The following RAD17 variants were observed in gnomAD, a reference collection of about 807,000 sequenced individuals.
RAD17 encodes the protein RAD17 checkpoint clamp loader component, also known as cell cycle checkpoint protein RAD17.
RAD17 carries 31 observed loss-of-function variants against 81.5 expected under a neutral mutation model. The ratio of observed to expected loss-of-function variants is 0.38; its 90% CI spans 0.29 to 0.51. The LOEUF is 0.51. RAD17 is among the 20% of genes least tolerant of loss of function. The pLI is 0.88. For synonymous variants in RAD17, 261 were observed against 266.2 expected (o/e 0.98, Z 0.19); for missense variants, 681 against 781.2 (o/e 0.87, Z 1.53).
At chr5:69,386,367 T>C in intron 10 of RAD17, 29 bp from the exon 11 acceptor site, 1 of 1,581,898 alleles carries the variant, frequency 6.3e-7, no homozygotes. Flanking sequence ...ATTAATCATT[T>C]AACTGCTATC....
Position 69,386,240 on chromosome 5 carries a change from A to G in RAD17, c.759A>G (p.Gly253=). 6.2e-7 allele frequency: 1 copy of G among 1,608,116 alleles called. No individual in the cohort carries two copies. The highest frequency in any genetic ancestry group is 8.5e-7 in the Non-Finnish European group (1 of 1,176,346). The change falls in exon 10 of 19, where the codon GGA becomes GGG. Residue 253 remains glycine, a synonymous_variant. Coordinates refer to ENST00000354868, the MANE Select transcript of RAD17 (RefSeq NM_133338.3). ...TTATAATCTCGGACAGTCTCAGTGG[A>G]GATAATAATCAAAGGTTATTGTTTC... is the stretch of plus-strand genomic sequence containing the variant. ...LIFIISDSLS[G]DNNQRLLFPK...
chr5:69,382,145 T>TC lies in RAD17; in HGVS notation c.508+91dup, dbSNP rs1161072529. 6 of 1,413,820 alleles carry TC rather than the reference T, an allele frequency of 4.2e-6. No homozygotes were observed. In the African/African-American group the frequency reaches 5.9e-5, roughly 14 times the overall value. 87.6% of individuals were successfully genotyped at this position (1,413,820 alleles called of 1,614,324 possible). A position where few individuals can be genotyped will look rare whatever the true frequency, so the allele number is the denominator to read the frequency against. On this transcript the variant is annotated intron_variant, in intron 7 of 18. Transcript: ENST00000354868. ...GATAAAGTTCTATGAGTGCATTTTTTCCCATACTTCTTGCTTTCAGAGGGA... is the reference window on the plus strand; with the variant it reads ...GATAAAGTTCTATGAGTGCATTTTTTCCCCATACTTCTTGCTTTCAGAGGGA...
At chr5:69,378,964 G>A (rs1027704505) in intron 6 of RAD17, among the ~76,000 whole-genome samples, 2 of 152,134 alleles carry the variant, frequency 1.3e-5, no homozygotes, top group Non-Finnish European at 2.9e-5. Context: ...TAAAAAGGCC[G>A]GGCTTGGTGG....
intron 17 of RAD17, 101 bp downstream of exon 17, chr5:69,400,270 T>G (rs1765180744): frequency 2.4e-6 from 2 of 825,088 alleles, no homozygotes; most frequent in African/African-American, 1.8e-5. Context: ...CAGGCTGGAT[T>G]GCGGTGGCAC....
intron 11 of RAD17, 52 bp from the exon 12 acceptor site, chr5:69,388,982 G>T: frequency 1.0e-6 from 1 of 956,156 alleles, no homozygotes; most frequent in Non-Finnish European, 1.5e-6. Flanking sequence ...GTTTTTTGTT[G>T]TTGTTATTTT....
chr5:69,392,336 T>C (rs954274890), intron 13 of RAD17, among the ~76,000 whole-genome samples: 15 of 152,208 alleles, frequency 9.9e-5, no homozygotes, highest in Non-Finnish European at 2.1e-4. Context: ...CTCTTAACAC[T>C]GGGCTCCAGC....
intron 1 of RAD17, 46 bp downstream of exon 1, chr5:69,369,979 A>G (rs17229768): frequency 2.9e-4 from 142 of 491,750 alleles, no homozygotes; most frequent in African/African-American, 2.7e-3. Flanking sequence ...TGTCTTAGAG[A>G]CGTGAGTCTA....
At chr5:69,412,345 G>A (rs977069836) in intron 18 of RAD17, among the ~76,000 whole-genome samples, 3 of 152,118 alleles carry the variant, frequency 2.0e-5, no homozygotes, top group Non-Finnish European at 4.4e-5. Flanking sequence ...TTGTTCATAT[G>A]TTTAGTATTT....
chr5:69,399,961 A>T, intron 16 of RAD17, 88 bp from the exon 17 acceptor site: 1 of 841,102 alleles, frequency 1.2e-6, no homozygotes, highest in Non-Finnish European at 1.7e-6. Context: ...CTTATTGTGT[A>T]AGTTTATATA....
Position 69,384,810 on chromosome 5 carries a change from T to A in RAD17, c.522T>A (p.His174Gln), listed in dbSNP as rs1207530398. 1.9e-6 allele frequency: 3 copies of A among 1,603,896 alleles called. No individual in the cohort carries two copies. The South Asian group carries it at 3.4e-5, about 18-fold the overall frequency. ...KGMFNTESSF[H>Q]MFPYQSQIAV... ...GTTTCCTTTCAGAATCAAGCTTCCA[T>A]ATGTTTCCCTATCAGTCTCAGATAG... The change falls in exon 8 of 19, where the codon CAT (histidine) becomes CAA (glutamine). Residue 174 changes from histidine to glutamine, a missense_variant. Physicochemically the swap from His to Gln is conservative, Grantham distance 24. Transcript: ENST00000354868.
In RAD17 at chr5:69,382,057, G is replaced by T; in HGVS notation, c.508G>T (p.Glu170Ter). Residue 170 changes from glutamate (E) to a stop codon, truncating the protein, a stop_gained and splice_region_variant, in exon 7 of 19, where the codon GAA becomes TAA. Transcript: ENST00000354868. LOFTEE classifies it high-confidence loss of function. ...KDDFKGMFNT[E>*]SSFHMFPYQS... ...TGATTTCAAGGGGATGTTTAATACTGGTAAGATTTGCTGTGAAGGTAGTAG... is the reference window on the plus strand; with the variant it reads ...TGATTTCAAGGGGATGTTTAATACTTGTAAGATTTGCTGTGAAGGTAGTAG... 6.2e-7 allele frequency: 1 copy of T among 1,610,878 alleles called. No homozygotes were observed. Among genetic ancestry groups the T allele is most frequent in the Non-Finnish European group, 8.5e-7 (1 of 1,178,170 alleles).
At chr5:69,380,712 C>T (rs1056887987) in intron 6 of RAD17, among the ~76,000 whole-genome samples, 3 of 151,688 alleles carry the variant, frequency 2.0e-5, no homozygotes, top group Middle Eastern at 6.8e-3. Flanking sequence ...TTACTGGGAT[C>T]CACAACCTCT....
intron 18 of RAD17, 58 bp from the exon 19 acceptor site, chr5:69,413,973 G>A (rs1429702862): frequency 1.3e-6 from 2 of 1,568,718 alleles, no homozygotes; most frequent in Non-Finnish European, 1.7e-6. Context: ...CACTCATGGT[G>A]TAATTTAAAA....
chr5:69,397,143 T>C (rs772959824), intron 16 of RAD17, among the ~76,000 whole-genome samples: 1 of 151,684 alleles, frequency 6.6e-6, no homozygotes, highest in Non-Finnish European at 1.5e-5. Context: ...TATTTTATTT[T>C]TTATTTTTTA....
At chr5:69,380,885 C>G (rs1344349250) in intron 6 of RAD17, among the ~76,000 whole-genome samples, 1 of 151,746 alleles carries the variant, frequency 6.6e-6, no homozygotes, top group African/African-American at 2.4e-5. Flanking sequence ...TCCACCTCAG[C>G]CTCCTGACCA....
At chr5:69,379,061 G>T (rs931629504) in intron 6 of RAD17, among the ~76,000 whole-genome samples, 15 of 152,116 alleles carry the variant, frequency 9.9e-5, no homozygotes, top group African/African-American at 3.6e-4. Context: ...GGCCAACATG[G>T]TGAAACCCCA....
At chr5:69,413,644 C>T (rs1440036432) in intron 18 of RAD17, among the ~76,000 whole-genome samples, 1 of 152,016 alleles carries the variant, frequency 6.6e-6, no homozygotes, top group African/African-American at 2.4e-5. Context: ...AAACAATTCT[C>T]CTGCCTCAGC....
At chr5:69,369,400 G>T, upstream of RAD17, 1 of 1,583,846 alleles carries the variant, frequency 6.3e-7, no homozygotes, top group Non-Finnish European at 8.6e-7. Context: ...GGCGCCCGAT[G>T]CCCAGAGCAC....
intron 8 of RAD17, 21 bp downstream of exon 8, chr5:69,384,954 CTTTTT>C (rs375164458): frequency 5.9e-5 from 75 of 1,277,640 alleles, no homozygotes; most frequent in Middle Eastern, 6.0e-4. Context: ...CTTTTAAAAT[CTTTTT>C]TTTTTTTTTT....
Sources: gnomAD v4.1 joint callset for allele counts (sites outside exome capture counted in the v4.1 genomes callset) on GRCh38, gnomAD v4.1.1 for gene constraint, MANE v1.5 for transcripts, NCBI Gene and HGNC (gene_info 2026-07-23, HGNC 2026-07-21) for gene names.